Variants in ROBO2 observed in about 807,000 individuals in gnomAD.
The protein encoded by ROBO2 is roundabout homolog 2.
Under a neutral mutation model 160.8 loss-of-function variants are expected in ROBO2, and 53 were observed. The ratio of observed to expected loss-of-function variants is 0.33; its 90% CI spans 0.26 to 0.41. The LOEUF (loss-of-function observed/expected upper bound fraction) is 0.41, where lower values mean the gene tolerates loss of function less well. ROBO2 is among the 10% of genes least tolerant of loss of function. ROBO2 has a pLI of 1.00. For missense variants in ROBO2, 1,577 were observed against 1,722.4 expected, an observed-to-expected ratio of 0.92 and a Z score of 1.49; for synonymous variants, 664 against 611.7, an observed-to-expected ratio of 1.09 and a Z score of -1.26.
chr3:77,271,405 G>C (rs1468143077), intron 2 of ROBO2, among the ~76,000 whole-genome samples: 8 of 152,156 alleles, frequency 5.3e-5, no homozygotes, highest in Non-Finnish European at 7.4e-5. Context: ...TATTGTATTT[G>C]TTTTCTATGA....
chr3:76,347,598 TTTAAC>T (rs1285224958), intron 2 of ROBO2, among the ~76,000 whole-genome samples: 3 of 152,076 alleles, frequency 2.0e-5, no homozygotes, highest in African/African-American at 7.2e-5. Context: ...TTTTGTTCTG[TTTAAC>T]TTATTTATAA....
At chr3:76,003,871 A>G (rs917441615) in intron 2 of ROBO2, among the ~76,000 whole-genome samples, 2 of 152,234 alleles carry the variant, frequency 1.3e-5, no homozygotes, top group Non-Finnish European at 1.5e-5. Flanking sequence ...AAATGCAATT[A>G]AAACTACAAT....
intron 2 of ROBO2, among the ~76,000 whole-genome samples, chr3:75,983,603 CA>C (rs2065337555): frequency 6.6e-6 from 1 of 151,242 alleles, no homozygotes; most frequent in Non-Finnish European, 1.5e-5. Flanking sequence ...TTGCCAGTTT[CA>C]GGATAAATAA....
At chr3:77,272,241 T>C (rs1046494056) in intron 2 of ROBO2, among the ~76,000 whole-genome samples, 1 of 152,182 alleles carries the variant, frequency 6.6e-6, no homozygotes. Flanking sequence ...CACACTGCTA[T>C]AAAGAAATAC....
chr3:76,291,466 C>G (rs998992567), intron 2 of ROBO2, among the ~76,000 whole-genome samples: 14 of 152,018 alleles, frequency 9.2e-5, no homozygotes, highest in Admixed American at 8.5e-4. Flanking sequence ...TGTATTCTTT[C>G]AAGGAACCAA....
At chr3:77,352,498 C>G (rs187656589) in intron 2 of ROBO2, among the ~76,000 whole-genome samples, 123 of 152,128 alleles carry the variant, frequency 8.1e-4, no homozygotes, top group African/African-American at 2.7e-3. Context: ...AAGTCAATGA[C>G]ATCCTGATGG....
At chr3:76,019,012 C>T (rs559038679) in intron 2 of ROBO2, among the ~76,000 whole-genome samples, 6 of 150,480 alleles carry the variant, frequency 4.0e-5, no homozygotes, top group South Asian at 2.1e-4. Flanking sequence ...TTTGAAGTTC[C>T]GTGTGTATCT....
At chr3:76,586,477 G>A (rs1176562305) in intron 2 of ROBO2, among the ~76,000 whole-genome samples, 2 of 152,124 alleles carry the variant, frequency 1.3e-5, no homozygotes, top group South Asian at 2.1e-4. Context: ...CCATCCAATA[G>A]AAATGTAATG....
intron 2 of ROBO2, among the ~76,000 whole-genome samples, chr3:76,752,437 C>CAAAAAAAAAAAAAA (rs201647387): frequency 8.0e-6 from 1 of 125,654 alleles, no homozygotes; most frequent in Non-Finnish European, 1.7e-5. Flanking sequence ...AAGTATAAAA[C>CAAAAAAAAAAAAAA]AAAAAAAAAA....
chr3:77,632,130 T>G (rs2095176288), intron 23 of ROBO2: 1 of 163,328 alleles, frequency 6.1e-6, no homozygotes, highest in African/African-American at 2.4e-5. Flanking sequence ...GTACACTAAG[T>G]TTGTTTTACT....
intron 2 of ROBO2, among the ~76,000 whole-genome samples, chr3:76,469,417 G>C (rs1024140285): frequency 2.0e-5 from 3 of 151,912 alleles, no homozygotes; most frequent in African/African-American, 7.3e-5. Context: ...AGAAAAATTG[G>C]TATCAAACTT....
At chr3:76,767,781 C>T (rs2061654823) in intron 2 of ROBO2, among the ~76,000 whole-genome samples, 1 of 151,446 alleles carries the variant, frequency 6.6e-6, no homozygotes, top group Non-Finnish European at 1.5e-5. Context: ...GATGTTTTAG[C>T]TTCCACTTCA....
intron 2 of ROBO2, among the ~76,000 whole-genome samples, chr3:76,547,336 G>A (rs1007895605): frequency 6.6e-6 from 1 of 151,770 alleles, no homozygotes; most frequent in African/African-American, 2.4e-5. Flanking sequence ...TAATTCACTG[G>A]CCCCCTGATA....
At chr3:76,485,817 A>G (rs2079463675) in intron 2 of ROBO2, among the ~76,000 whole-genome samples, 1 of 152,212 alleles carries the variant, frequency 6.6e-6, no homozygotes, top group African/African-American at 2.4e-5. Context: ...TTAAGACTAT[A>G]GTCGTGGATC....
At chr3:76,089,656 C>G (rs527823065) in intron 2 of ROBO2, among the ~76,000 whole-genome samples, 1 of 151,896 alleles carries the variant, frequency 6.6e-6, no homozygotes, top group Non-Finnish European at 1.5e-5. Flanking sequence ...TCTTAGTAAA[C>G]TAGGAACAGA....
At chr3:76,504,774 C>T (rs1162223055) in intron 2 of ROBO2, among the ~76,000 whole-genome samples, 1 of 152,042 alleles carries the variant, frequency 6.6e-6, no homozygotes, top group Non-Finnish European at 1.5e-5. Context: ...GTGAGCCACC[C>T]ACCTTGGCCT....
At chr3:77,552,747 A>C (rs1400708651) in intron 8 of ROBO2, among the ~76,000 whole-genome samples, 1 of 152,048 alleles carries the variant, frequency 6.6e-6, no homozygotes, top group Admixed American at 6.6e-5. Flanking sequence ...CAGTAAAGAA[A>C]TGAAACTATA....
At chr3:77,237,408 G>T in intron 2 of ROBO2, among the ~76,000 whole-genome samples, 9 of 48,798 alleles carry the variant, frequency 1.8e-4, no homozygotes, top group Non-Finnish European at 3.5e-4. Flanking sequence ...GTTTTGTTTT[G>T]TTTTGTGTGT....
intron 2 of ROBO2, among the ~76,000 whole-genome samples, chr3:76,702,255 T>C (rs1344644194): frequency 6.6e-6 from 1 of 152,112 alleles, no homozygotes; most frequent in East Asian, 1.9e-4. Context: ...AAGCCAGTTA[T>C]GTTTGGAGGA....
Sources: allele counts gnomAD v4.1 joint callset (sites outside exome capture counted in the v4.1 genomes callset), GRCh38; gene constraint gnomAD v4.1.1; transcripts MANE v1.5; gene names NCBI Gene and HGNC (gene_info 2026-07-23, HGNC 2026-07-21).